ZPBP: variants seen among roughly 807,000 people sequenced by gnomAD.
ZPBP encodes the protein zona pellucida binding protein.
Under a neutral mutation model 44.8 loss-of-function variants are expected in ZPBP, and 26 were observed. That is an observed-to-expected ratio of 0.58 (90% CI 0.43 to 0.81). The LOEUF (loss-of-function observed/expected upper bound fraction) is 0.81, where lower values mean the gene tolerates loss of function less well. ZPBP is among the 30% of genes least tolerant of loss of function. The pLI is 0.00. For synonymous variants in ZPBP, 174 were observed against 153.2 expected (o/e 1.14, Z -1.00); for missense variants, 409 against 434.0 (o/e 0.94, Z 0.51).
At chr7:49,967,680 G>T (rs1355585195) in intron 7 of ZPBP, among the ~76,000 whole-genome samples, 1 of 152,112 alleles carries the variant, frequency 6.6e-6, no homozygotes, top group African/African-American at 2.4e-5. Context: ...CTGACTAGCT[G>T]GGATTACAGG....
chr7:49,874,630 G>T (rs1791321974), intron 2 of ZPBP, among the ~76,000 whole-genome samples: 6 of 152,096 alleles, frequency 3.9e-5, no homozygotes, highest in Admixed American at 3.3e-4. Flanking sequence ...TAGGTGACAG[G>T]ATTGGGGGTA....
intron 2 of ZPBP, among the ~76,000 whole-genome samples, chr7:49,866,108 G>A (rs1270807281): frequency 6.6e-6 from 1 of 152,170 alleles, no homozygotes; most frequent in Non-Finnish European, 1.5e-5. Context: ...CATCCAGCAA[G>A]TCCTGGCTCC....
intron 7 of ZPBP, among the ~76,000 whole-genome samples, chr7:49,975,179 G>A (rs931599534): frequency 2.0e-5 from 3 of 152,140 alleles, no homozygotes; most frequent in Non-Finnish European, 4.4e-5. Context: ...GGCTATGGGA[G>A]CTCCTACCCT....
chr7:49,893,484 T>C (rs942497630), intron 2 of ZPBP, among the ~76,000 whole-genome samples: 1 of 152,228 alleles, frequency 6.6e-6, no homozygotes, highest in African/African-American at 2.4e-5. Context: ...TTAAAAACTT[T>C]TGCTCATTTG....
intron 7 of ZPBP, among the ~76,000 whole-genome samples, chr7:49,951,287 T>C (rs1795332452): frequency 6.6e-6 from 1 of 151,698 alleles, no homozygotes. Context: ...AGAGAACAGG[T>C]AAAAATATTT....
At position 50,081,890 on chromosome 7, in the gene ZPBP, T is replaced by C; in HGVS notation, c.218A>G (p.Tyr73Cys). 1 of 1,610,828 alleles carries C rather than the reference T, an allele frequency of 6.2e-7. No homozygotes were observed. The highest frequency in any genetic ancestry group is 8.5e-7 in the Non-Finnish European group (1 of 1,177,850). Reference sequence around the variant, plus strand: ...TGGACTCTTTTGATGGAGCATGACATACGCTTTCACTGAAAATACAATATT... The same window carrying C: ...TGGACTCTTTTGATGGAGCATGACACACGCTTTCACTGAAAATACAATATT... ...VGSTSFPVKA[Y>C]VMLHQKSPHV... Residue 73 changes from tyrosine (Y) to cysteine (C), a missense_variant, in exon 3 of 8, where the codon TAT becomes TGT. By Grantham distance (194) the Tyr-to-Cys change is radical. Coordinates refer to ENST00000046087, the MANE Select transcript of ZPBP (RefSeq NM_007009.3).
chr7:49,841,947 T>C, the ZPBP span, among the ~76,000 whole-genome samples: 32,864 of 151,830 alleles, frequency 0.22, 5,381 homozygotes, highest in African/African-American at 0.46. Flanking sequence ...GCTCACTGCA[T>C]CCTCCACCTC....
chr7:49,948,754 G>T (rs559443658), intron 7 of ZPBP, among the ~76,000 whole-genome samples: 10 of 152,250 alleles, frequency 6.6e-5, no homozygotes, highest in African/African-American at 2.4e-4. Context: ...TGTGAGCCTT[G>T]TGCATTGCTG....
intron 4 of ZPBP, among the ~76,000 whole-genome samples, chr7:50,041,281 A>G (rs929025313): frequency 6.6e-6 from 1 of 152,204 alleles, no homozygotes; most frequent in Non-Finnish European, 1.5e-5. Flanking sequence ...ACAGCAGTGG[A>G]TCTCCCAGCA....
chr7:50,017,313 A>G (rs1256168397), intron 6 of ZPBP, among the ~76,000 whole-genome samples: 1 of 152,122 alleles, frequency 6.6e-6, no homozygotes, highest in East Asian at 1.9e-4. Context: ...CACTCCCATA[A>G]GAATCTAATG....
At chr7:49,913,803 A>G (rs1793583154) in intron 1 of ZPBP, 1 of 152,230 alleles carries the variant, frequency 6.6e-6, no homozygotes, top group Non-Finnish European at 1.5e-5. Flanking sequence ...TAAAGACTGA[A>G]TAACATTCAA....
chr7:50,077,880 C>G (rs1202887416), intron 3 of ZPBP, among the ~76,000 whole-genome samples: 2 of 151,836 alleles, frequency 1.3e-5, no homozygotes. Flanking sequence ...ATCCAGCAAT[C>G]TCCCTTCTTG....
downstream of ZPBP, among the ~76,000 whole-genome samples, chr7:49,932,730 T>C (rs1281590182): frequency 6.6e-6 from 1 of 151,940 alleles, no homozygotes; most frequent in Non-Finnish European, 1.5e-5. Context: ...AACTATATGG[T>C]TTAGCTGTGT....
chr7:49,885,384 A>G (rs1440131311), intron 2 of ZPBP, among the ~76,000 whole-genome samples: 1 of 152,180 alleles, frequency 6.6e-6, no homozygotes, highest in African/African-American at 2.4e-5. Context: ...ATAAATATAT[A>G]CAATTATGTT....
At chr7:49,852,877 TG>T (rs1285006125) in intron 2 of ZPBP, among the ~76,000 whole-genome samples, 2 of 152,232 alleles carry the variant, frequency 1.3e-5, no homozygotes, top group Non-Finnish European at 2.9e-5. Flanking sequence ...AGATGGAAAC[TG>T]GCTTCTGTAA....
chr7:49,982,312 T>TAATAC (rs1288493298), intron 7 of ZPBP, among the ~76,000 whole-genome samples: 16 of 112,726 alleles, frequency 1.4e-4, no homozygotes, highest in African/African-American at 6.0e-4. Flanking sequence ...TATATAATTA[T>TAATAC]ATAATATATA....
intron 2 of ZPBP, among the ~76,000 whole-genome samples, chr7:49,868,149 A>G (rs1790991606): frequency 1.3e-5 from 2 of 152,182 alleles, no homozygotes; most frequent in Admixed American, 1.3e-4. Context: ...AAATTACATT[A>G]TAAGTGAGGA....
intron 2 of ZPBP, among the ~76,000 whole-genome samples, chr7:49,875,281 A>C (rs889275609): frequency 4.2e-5 from 6 of 142,484 alleles, no homozygotes; most frequent in African/African-American, 1.6e-4. Flanking sequence ...GAGGCAGGAG[A>C]ATCGCCTGAA....
chr7:50,064,135 G>GCAT (rs761718611), intron 3 of ZPBP, among the ~76,000 whole-genome samples: 7 of 152,132 alleles, frequency 4.6e-5, no homozygotes, highest in Non-Finnish European at 8.8e-5. Context: ...TTAAAGCTGG[G>GCAT]CATCCGGGGG....
Sources: gnomAD v4.1 joint callset for allele counts (sites outside exome capture counted in the v4.1 genomes callset) on GRCh38, gnomAD v4.1.1 for gene constraint, MANE v1.5 for transcripts, NCBI Gene and HGNC (gene_info 2026-07-23, HGNC 2026-07-21) for gene names.